ASB15: variants seen among roughly 807,000 people sequenced by gnomAD.
ASB15 encodes the protein ankyrin repeat and SOCS box protein 15.
Under a neutral mutation model 58.0 loss-of-function variants are expected in ASB15, and 54 were observed. That is an observed-to-expected ratio of 0.93 (90% CI 0.75 to 1.17). ASB15 has a LOEUF of 1.17. Ranked by LOEUF, ASB15 falls within the 50% of genes most tolerant of loss-of-function variation. The pLI, the probability that ASB15 is intolerant of heterozygous loss-of-function variation, is 0.00. For missense variants in ASB15, 680 were observed against 707.4 expected (o/e 0.96, Z 0.44); for synonymous variants, 249 against 262.4 (o/e 0.95, Z 0.50).
chr7:123,569,236 T>A (rs1206031808), intron 1 of ASB15, among the ~76,000 whole-genome samples: 22 of 152,158 alleles, frequency 1.4e-4, no homozygotes, highest in Admixed American at 1.4e-3. Flanking sequence ...CTTGGCAACA[T>A]CTTAACATTG....
At chr7:123,601,409 T>C (rs1454770347), upstream of ASB15, among the ~76,000 whole-genome samples, 3 of 152,162 alleles carry the variant, frequency 2.0e-5, no homozygotes, top group Admixed American at 6.5e-5. Context: ...CAAATTAGTA[T>C]GACAAGAAGA....
intron 7 of ASB15, among the ~76,000 whole-genome samples, chr7:123,622,090 T>A (rs1801367447): frequency 6.6e-6 from 1 of 152,238 alleles, no homozygotes; most frequent in Admixed American, 6.5e-5. Context: ...GTCAAGATAA[T>A]CAAGATAACC....
intron 1 of ASB15, among the ~76,000 whole-genome samples, chr7:123,584,569 T>A (rs1056653845): frequency 2.0e-5 from 3 of 151,948 alleles, no homozygotes; most frequent in Admixed American, 2.0e-4. Context: ...ATATTTCTTA[T>A]AAGGTTTTCA....
At chr7:123,630,733 C>T (rs2094198636) in intron 11 of ASB15, among the ~76,000 whole-genome samples, 1 of 152,080 alleles carries the variant, frequency 6.6e-6, no homozygotes, top group Non-Finnish European at 1.5e-5. Context: ...ATTTGAGATG[C>T]TTTCACTTTC....
chr7:123,594,750 C>T (rs1465464770), intron 1 of ASB15, among the ~76,000 whole-genome samples: 1 of 152,190 alleles, frequency 6.6e-6, no homozygotes, highest in Non-Finnish European at 1.5e-5. Flanking sequence ...CAGGGACCCA[C>T]TTAAGGAGGC....
intron 1 of ASB15, among the ~76,000 whole-genome samples, chr7:123,595,840 A>G (rs1799677293): frequency 6.6e-6 from 1 of 152,212 alleles, no homozygotes; most frequent in African/African-American, 2.4e-5. Context: ...TGAATGGGCC[A>G]TATCTTCAAG....
At position 123,629,361 on chromosome 7, in the gene ASB15, A is replaced by G. The variant is rs751050300; in HGVS notation, c.1367A>G (p.Asn456Ser). 4 of 1,613,936 alleles carry G rather than the reference A, an allele frequency of 2.5e-6. No individual in the cohort carries two copies. Among genetic ancestry groups the G allele is most frequent in the Non-Finnish European group, 3.4e-6 (4 of 1,179,996 alleles). Residue 456 changes from asparagine (N) to serine (S), a missense_variant, in exon 10 of 12, where the codon AAT (asparagine) becomes AGT (serine). By Grantham distance (46) the Asn-to-Ser change is conservative (BLOSUM62 1). Transcript: ENST00000451215. ...TGCATGCATGGTGACATCTTTGGAA[A>G]TTCATTTGTGTGGTCAGAGATACAG... ...FDCMHGDIFG[N>S]SFVWSEIQEE...
intron 2 of ASB15, among the ~76,000 whole-genome samples, chr7:123,606,320 G>A (rs1172548940): frequency 6.6e-6 from 1 of 152,118 alleles, no homozygotes; most frequent in East Asian, 1.9e-4. Flanking sequence ...AGTTCTACCT[G>A]CTTTCCTGTA....
chr7:123,633,041 T>C (rs10253850), intron 11 of ASB15, among the ~76,000 whole-genome samples: 66,192 of 152,004 alleles, frequency 0.44, 14,718 homozygotes, highest in South Asian at 0.65. Context: ...GTAGGCAAAC[T>C]GTTGTCAGCA....
upstream of ASB15, among the ~76,000 whole-genome samples, chr7:123,600,584 T>C (rs1457084439): frequency 6.6e-6 from 1 of 152,166 alleles, no homozygotes; most frequent in East Asian, 1.9e-4. Flanking sequence ...AATTCCAAAT[T>C]AGATTAATAA....
Position 123,637,879 on chromosome 7 carries a change from A to T in ASB15, c.*898A>T, listed in dbSNP as rs1185486293. ...AATTCAACATGTCCCCAGATGAACT[A>T]AAAAAAAAAAAAAAAAAAAAACCTC... On this transcript the variant is annotated 3_prime_UTR_variant, in exon 12 of 12. Coordinates refer to ENST00000451215, the MANE Select transcript of ASB15 (RefSeq NM_001290258.2). The T allele has an allele frequency of 1.5e-5, 1 of 64,966 alleles. No homozygotes were observed. Among genetic ancestry groups the T allele is most frequent in the Non-Finnish European group, 2.8e-5 (1 of 35,674 alleles). 4.0% of individuals were successfully genotyped at this position (64,966 alleles called of 1,614,324 possible). A position where few individuals can be genotyped will look rare whatever the true frequency, so the allele number is the denominator to read the frequency against.
At position 123,624,758 on chromosome 7, in the gene ASB15, T is replaced by C; in HGVS notation, c.641T>C (p.Leu214Pro). The change falls in exon 8 of 12, where the codon CTA becomes CCA. Residue 214 changes from leucine to proline, a missense_variant. Coordinates refer to ENST00000451215, the MANE Select transcript of ASB15 (RefSeq NM_001290258.2). ...AGAGATGGATTTGGAGTCACACCAC[T>C]AGGCGTCGCTGCCGAGTATGGTCAC... ...HLRDGFGVTP[L>P]GVAAEYGHCD... 6.2e-7 allele frequency: 1 copy of C among 1,614,046 alleles called. No individual in the cohort carries two copies. Among genetic ancestry groups the C allele is most frequent in the Non-Finnish European group, 8.5e-7 (1 of 1,179,894 alleles).
chr7:123,589,193 T>C (rs1799460001), intron 1 of ASB15, among the ~76,000 whole-genome samples: 2 of 151,820 alleles, frequency 1.3e-5, no homozygotes, highest in African/African-American at 4.8e-5. Context: ...CTCTTAATAT[T>C]TCCTTACTAT....
Position 123,577,200 on chromosome 7 carries a change from A to G in ASB15, c.-443+10112A>G, listed in dbSNP as rs573096202. On this transcript the variant is annotated intron_variant, in intron 1 of 13. Coordinates refer to the ASB15 transcript ENST00000451558. ...TGTAAAGGTTTACTATATCATTGAT[A>G]TCTTCCATTGTTGAGTTTTTCCCAT... 9.2e-5 allele frequency among the ~76,000 whole-genome samples: 14 copies of G among 152,288 alleles called. 1 individual carries two copies. The East Asian group carries it at 2.7e-3, about 29-fold the overall frequency.
intron 7 of ASB15, among the ~76,000 whole-genome samples, chr7:123,619,643 C>T (rs1801102299): frequency 6.6e-6 from 1 of 152,126 alleles, no homozygotes; most frequent in Non-Finnish European, 1.5e-5. Flanking sequence ...GCTGCCTCAG[C>T]CTCCCGAGTA....
chr7:123,628,082 C>G (rs1801907275), intron 9 of ASB15, among the ~76,000 whole-genome samples: 1 of 152,188 alleles, frequency 6.6e-6, no homozygotes, highest in African/African-American at 2.4e-5. Context: ...TCATACATGT[C>G]TGGCTGGTTA....
At chr7:123,609,665 A>T (rs192149275) in intron 3 of ASB15, among the ~76,000 whole-genome samples, 57 of 152,336 alleles carry the variant, frequency 3.7e-4, no homozygotes, top group African/African-American at 1.3e-3. Flanking sequence ...TAAACAATAC[A>T]TGAGGAAGAA....
Position 123,616,484 on chromosome 7 carries a change from T to G in ASB15, c.281T>G (p.Ile94Ser). 6.2e-7 allele frequency: 1 copy of G among 1,612,356 alleles called. No homozygotes were observed. The highest frequency in any genetic ancestry group is 8.5e-7 in the Non-Finnish European group (1 of 1,179,138). ...CAACCCATTCAACAAATACTTGAGA[T>G]TGTTCTGGATGGTAAGAGAACATAA... ...VVQPIQQILEIVLDASYKTLW... is the reference protein window; with the variant it reads ...VVQPIQQILESVLDASYKTLW... The change falls in exon 6 of 12, where the codon ATT (isoleucine) becomes AGT (serine). Residue 94 changes from isoleucine (I) to serine (S), a missense_variant. Coordinates refer to ENST00000451215, the MANE Select transcript of ASB15 (RefSeq NM_001290258.2).
At chr7:123,607,448 C>A (rs1045023125) in intron 2 of ASB15, among the ~76,000 whole-genome samples, 2 of 152,072 alleles carry the variant, frequency 1.3e-5, no homozygotes, top group Non-Finnish European at 1.5e-5. Context: ...TTCTCACATG[C>A]ACATCTTTTT....
Sources: allele counts gnomAD v4.1 joint callset (sites outside exome capture counted in the v4.1 genomes callset), GRCh38; gene constraint gnomAD v4.1.1; transcripts MANE v1.5; gene names NCBI Gene and HGNC (gene_info 2026-07-23, HGNC 2026-07-21).